EFHD1: variants seen among roughly 807,000 people sequenced by gnomAD.
The protein encoded by EFHD1 is EF-hand domain family member D1.
EFHD1 carries 10 observed loss-of-function variants against 17.2 expected under a neutral mutation model. That is an observed-to-expected ratio of 0.58 (90% confidence interval 0.36 to 0.99). EFHD1 has a LOEUF of 0.99. Among genes scored for constraint, EFHD1 ranks in the 50% least tolerant of loss-of-function variants. EFHD1 has a pLI of 0.01. For synonymous variants in EFHD1, 153 were observed against 142.0 expected (o/e 1.08, Z -0.55); for missense variants, 310 against 327.5 (o/e 0.95, Z 0.41).
At chr2:232,680,092 G>A (rs1183037200) in intron 3 of EFHD1, among the ~76,000 whole-genome samples, 1 of 152,046 alleles carries the variant, frequency 6.6e-6, no homozygotes, top group Non-Finnish European at 1.5e-5. Flanking sequence ...GGGCAACGTG[G>A]TAAAACCCTG....
chr2:232,617,408 G>A (rs1574700730), intron 1 of EFHD1, among the ~76,000 whole-genome samples: 1 of 152,126 alleles, frequency 6.6e-6, no homozygotes. Flanking sequence ...CCAGCACTTT[G>A]GGAGGCTGAG....
intron 1 of EFHD1, among the ~76,000 whole-genome samples, chr2:232,637,860 A>G (rs1286718940): frequency 6.6e-6 from 1 of 152,000 alleles, no homozygotes; most frequent in African/African-American, 2.4e-5. Context: ...GATTTCTTAC[A>G]TTTTCAAGGC....
chr2:232,624,615 C>G (rs1694075588), intron 1 of EFHD1, among the ~76,000 whole-genome samples: 1 of 152,258 alleles, frequency 6.6e-6, no homozygotes, highest in Admixed American at 6.5e-5. Context: ...GGGGGCTATC[C>G]ACTGGGCACT....
upstream of EFHD1, among the ~76,000 whole-genome samples, chr2:232,629,496 TCTCA>T (rs762522267): frequency 1.1e-4 from 16 of 151,686 alleles, no homozygotes; most frequent in Non-Finnish European, 2.2e-4. Context: ...TCATATGGAG[TCTCA>T]CTCTGTCTCC....
intron 1 of EFHD1, among the ~76,000 whole-genome samples, chr2:232,640,197 C>T (rs1170318399): frequency 6.6e-6 from 1 of 152,190 alleles, no homozygotes; most frequent in Non-Finnish European, 1.5e-5. Flanking sequence ...TGGCCTTCCA[C>T]GTTCCAAGGC....
At chr2:232,647,024 T>G (rs1380360396) in intron 1 of EFHD1, among the ~76,000 whole-genome samples, 2 of 152,228 alleles carry the variant, frequency 1.3e-5, no homozygotes, top group African/African-American at 2.4e-5. Context: ...AGTGGGGTCA[T>G]GCGGTTCCCT....
chr2:232,670,366 G>A (rs978636896), intron 2 of EFHD1, among the ~76,000 whole-genome samples: 4 of 151,970 alleles, frequency 2.6e-5, no homozygotes, highest in South Asian at 4.2e-4. Flanking sequence ...ACTTGAACCC[G>A]GGAGGCAGAG....
At chr2:232,663,690 G>A (rs530096459) in intron 2 of EFHD1, among the ~76,000 whole-genome samples, 6 of 152,182 alleles carry the variant, frequency 3.9e-5, no homozygotes, top group African/African-American at 1.2e-4. Flanking sequence ...CGATATAAGC[G>A]TACAATGTGT....
chr2:232,650,664 G>A (rs886885729), intron 1 of EFHD1, among the ~76,000 whole-genome samples: 2 of 149,820 alleles, frequency 1.3e-5, no homozygotes, highest in Non-Finnish European at 3.0e-5. Context: ...TGCCTCCCGG[G>A]TTCAAGCAAT....
intron 1 of EFHD1, among the ~76,000 whole-genome samples, chr2:232,660,263 C>T (rs776803188): frequency 1.3e-5 from 2 of 151,790 alleles, no homozygotes; most frequent in Non-Finnish European, 1.5e-5. Context: ...GGCACGACCT[C>T]GGCTTACTGC....
chr2:232,674,341 A>G (rs932708086), intron 3 of EFHD1, among the ~76,000 whole-genome samples: 3 of 152,268 alleles, frequency 2.0e-5, no homozygotes, highest in Non-Finnish European at 2.9e-5. Flanking sequence ...CACACTCTGC[A>G]GCTGTCAAAA....
intron 1 of EFHD1, among the ~76,000 whole-genome samples, chr2:232,626,411 G>GGTGGTGCATGCCTATAATCCCAGCT (rs1694104465): frequency 6.6e-6 from 1 of 151,836 alleles, no homozygotes; most frequent in Admixed American, 6.6e-5. Context: ...AGCTGGGCGT[G>GGTGGTGCATGCCTATAATCCCAGCT]GTGGTGCATG....
intron 1 of EFHD1, among the ~76,000 whole-genome samples, chr2:232,617,875 G>A (rs533111787): frequency 6.7e-6 from 1 of 150,286 alleles, no homozygotes; most frequent in Admixed American, 6.6e-5. Flanking sequence ...CTTGAACCTG[G>A]GAGGCAGAGG....
chr2:232,633,002 G>A (rs1004733782), upstream of EFHD1, among the ~76,000 whole-genome samples: 3 of 152,202 alleles, frequency 2.0e-5, no homozygotes, highest in African/African-American at 7.2e-5. Context: ...AGGGAAAACG[G>A]GAGTTTTTTC....
At chr2:232,643,789 C>A (rs1412868532) in intron 1 of EFHD1, among the ~76,000 whole-genome samples, 1 of 152,058 alleles carries the variant, frequency 6.6e-6, no homozygotes, top group Non-Finnish European at 1.5e-5. Flanking sequence ...GTTCAAGTGA[C>A]CCCCCTGCCT....
chr2:232,631,456 TTTTTA>T (rs1046291171), upstream of EFHD1, among the ~76,000 whole-genome samples: 9 of 151,586 alleles, frequency 5.9e-5, no homozygotes, highest in African/African-American at 1.9e-4. Context: ...GGCTAGTTGT[TTTTTA>T]TTTTATTTTT....
chr2:232,631,892 A>G (rs2106191910), upstream of EFHD1, among the ~76,000 whole-genome samples: 1 of 151,790 alleles, frequency 6.6e-6, no homozygotes, highest in Middle Eastern at 3.4e-3. Context: ...AATCCCAGCT[A>G]CTCAGGAGGC....
intron 2 of EFHD1, among the ~76,000 whole-genome samples, chr2:232,664,321 T>G (rs1342670722): frequency 1.3e-5 from 2 of 151,634 alleles, no homozygotes; most frequent in Non-Finnish European, 2.9e-5. Flanking sequence ...AAAATTTTTT[T>G]GTAGAGATAG....
At position 232,633,973 on chromosome 2, in the gene EFHD1, G is replaced by C; in HGVS notation, c.269G>C (p.Arg90Pro). The C allele has an allele frequency of 6.3e-7, 1 of 1,597,398 alleles. No individual in the cohort carries two copies. The highest frequency in any genetic ancestry group is 8.5e-7 in the Non-Finnish European group (1 of 1,179,102). ...ACGGAGTTCCCGGAGTTCAGCCGCC[G>C]CCTCATCAAGGACCTGGAGAGCATG... ...PYTEFPEFSR[R>P]LIKDLESMFK... The change falls in exon 1 of 4, where the codon CGC (arginine) becomes CCC (proline). Residue 90 changes from arginine to proline, a missense_variant. Physicochemically the swap from Arg to Pro is moderately radical, Grantham distance 103. Coordinates refer to ENST00000264059, the MANE Select transcript of EFHD1 (RefSeq NM_025202.4).
Sources: gnomAD v4.1 joint callset for allele counts (sites outside exome capture counted in the v4.1 genomes callset) on GRCh38, gnomAD v4.1.1 for gene constraint, MANE v1.5 for transcripts, NCBI Gene and HGNC (gene_info 2026-07-23, HGNC 2026-07-21) for gene names.